Variants in ASB13 observed in about 807,000 individuals in gnomAD.
ASB13 encodes ankyrin repeat and SOCS box protein 13.
In ASB13, 33 loss-of-function variants were observed where a neutral mutation model predicts 28.8. The ratio of observed to expected loss-of-function variants is 1.15; its 90% CI spans 0.87 to 1.53. The LOEUF is 1.53. Ranked by LOEUF, ASB13 falls within the 40% of genes most tolerant of loss-of-function variation. The pLI, the probability that ASB13 is intolerant of heterozygous loss-of-function variation, is 0.00. For synonymous variants in ASB13, 182 were observed against 172.9 expected (o/e 1.05, Z -0.41); for missense variants, 414 against 390.1 (o/e 1.06, Z -0.52).
In ASB13 at chr10:5,644,350, G is replaced by A. The variant is rs1036626422; in HGVS notation, c.518-2389C>T. Among the ~76,000 whole-genome samples the A allele has an allele frequency of 1.3e-5, 2 of 151,956 alleles. No homozygotes were observed. The highest frequency in any genetic ancestry group is 2.4e-5 in the African/African-American group (1 of 41,382). On this transcript the variant is annotated intron_variant, in intron 4 of 5. Coordinates refer to ENST00000357700, the MANE Select transcript of ASB13 (RefSeq NM_024701.4). This position sits in a 1 kb window ranked among gnomAD's most constrained non-coding sequence, Gnocchi z 5.1. ...CTCTACAAAAATTTAAAAATTACCC[G>A]GGGGGCGTGATGGCACACATCTGTG...
In ASB13 at chr10:5,650,112, G is replaced by A. The variant is rs985394709; in HGVS notation, c.383-1008C>T. Among the ~76,000 whole-genome samples, 1 of 151,898 alleles carries A rather than the reference G, an allele frequency of 6.6e-6. No individual in the cohort carries two copies. The highest frequency in any genetic ancestry group is 2.4e-5 in the African/African-American group (1 of 41,320). ...CCTGACTCAAACCTGACTCATTTCT[G>A]ACCTCTTGAGCCTCCCCTTCATACG... On this transcript the variant is annotated intron_variant, in intron 3 of 5. Transcript: ENST00000357700. This position sits in a 1 kb window ranked among gnomAD's most constrained non-coding sequence, Gnocchi z 6.0.
intron 1 of ASB13, among the ~76,000 whole-genome samples, chr10:5,662,586 G>C (rs973914384): frequency 4.4e-5 from 6 of 136,556 alleles, no homozygotes; most frequent in African/African-American, 1.6e-4. Flanking sequence ...GAGAAGAGAA[G>C]AGAAGAGAAG....
rs572161426 is a variant in ASB13, at chr10:5,646,764, A to T, written c.517+2206T>A. On this transcript the variant is annotated intron_variant, in intron 4 of 5. Transcript: ENST00000357700. ...GATGTTTGCTTTAAACACTAAGTTG[A>T]TCCCTTTCCCTACAACCACACCAAA... is the stretch of plus-strand genomic sequence containing the variant. Among the ~76,000 whole-genome samples, 73 of 152,102 alleles carry T rather than the reference A, an allele frequency of 4.8e-4. No individual in the cohort carries two copies. In the South Asian group the frequency reaches 0.015, roughly 31 times the overall value.
chr10:5,641,801 G>T lies in ASB13; in HGVS notation c.678C>A (p.Ser226Arg). 2 of 1,607,290 alleles carry T rather than the reference G, an allele frequency of 1.2e-6. 1 individual carries two copies. The highest frequency in any genetic ancestry group is 4.5e-5 in the East Asian group (2 of 44,662). Residue 226 changes from serine to arginine, a missense_variant, in exon 5 of 6, where the codon AGC (serine) becomes AGA (arginine). Transcript: ENST00000357700. This position sits in a 1 kb window ranked among gnomAD's most constrained non-coding sequence, Gnocchi z 8.4. The part of the protein sequence containing the change: ...KKPSDYTWSS[S>R]APAKCFEYYE... Reference sequence around the variant, plus strand: ...AGTACTCGAAGCACTTGGCGGGAGCGCTGCTGCTCCACGTGTAGTCAGACG... The same window carrying T: ...AGTACTCGAAGCACTTGGCGGGAGCTCTGCTGCTCCACGTGTAGTCAGACG...
rs1282191448 is a variant in ASB13, at chr10:5,661,304, A to G, written c.43+5205T>C. On this transcript the variant is annotated intron_variant, in intron 1 of 5. Coordinates refer to ENST00000357700, the MANE Select transcript of ASB13 (RefSeq NM_024701.4). This position sits in a 1 kb window ranked among gnomAD's most constrained non-coding sequence, Gnocchi z 4.9. ...ACACAGGGACTGCAACCATAAAAGC[A>G]GCAGAGCCACTTGCCCCCAACCCCG... Among the ~76,000 whole-genome samples the G allele has an allele frequency of 2.0e-5, 3 of 152,140 alleles. No homozygotes were observed. Among genetic ancestry groups the G allele is most frequent in the Non-Finnish European group, 4.4e-5 (3 of 68,026 alleles).
chr10:5,639,794 T>A lies in ASB13; in HGVS notation c.*909A>T, dbSNP rs1054766493. ...GGGTGAAGAATTCATTTGACAACCA[T>A]AGAAACAGATGAAAAACAATTCCCA... On this transcript the variant is annotated 3_prime_UTR_variant, in exon 6 of 6. Transcript: ENST00000357700. 1 of 3,288 alleles carries A rather than the reference T, an allele frequency of 3.0e-4. No homozygotes were observed. Among genetic ancestry groups the A allele is most frequent in the Non-Finnish European group, 9.0e-4 (1 of 1,106 alleles). 0.2% of individuals were successfully genotyped at this position (3,288 alleles called of 1,614,324 possible).
intron 1 of ASB13, among the ~76,000 whole-genome samples, chr10:5,654,745 T>C (rs953759666): frequency 6.6e-6 from 1 of 152,184 alleles, no homozygotes; most frequent in Non-Finnish European, 1.5e-5. Context: ...CTTACTATTC[T>C]GACATGTCCC....
rs575333736 is a variant in ASB13 at position 5,653,021 on chromosome 10, C to T, written c.73G>A (p.Glu25Lys). ...GFWVERTPVH[E>K]AAQRGESLQL... ...AGGCTCTCACCCCGCTGGGCTGCCT[C>T]GTGCACAGGGGTCCGCTCCACCCAG... The change falls in exon 2 of 6, where the codon GAG (glutamate) becomes AAG (lysine). Residue 25 changes from glutamate to lysine, a missense_variant. By Grantham distance (56) the Glu-to-Lys change is moderately conservative (BLOSUM62 1). Transcript: ENST00000357700. 8 of 1,550,390 alleles carry T rather than the reference C, an allele frequency of 5.2e-6. No homozygotes were observed. In the African/African-American group the frequency reaches 5.5e-5, roughly 11 times the overall value.
chr10:5,651,087 C>T lies in ASB13; in HGVS notation c.382+126G>A. 1.6e-6 allele frequency: 2 copies of T among 1,254,112 alleles called. No homozygotes were observed. Among genetic ancestry groups the T allele is most frequent in the South Asian group, 3.2e-5 (2 of 62,596 alleles). 77.7% of individuals were successfully genotyped at this position (1,254,112 alleles called of 1,614,324 possible). On this transcript the variant is annotated intron_variant, in intron 3 of 5. Coordinates refer to ENST00000357700, the MANE Select transcript of ASB13 (RefSeq NM_024701.4). The surrounding 1 kb of genome is among the most constrained non-coding windows in gnomAD (Gnocchi z 5.1). The stretch of plus-strand genomic sequence containing the variant: ...CCAGGAGCCAGAAACAGACTCAGAA[C>T]TCTCCTTCACCAGCCAAGGGCTCCC...
chr10:5,666,397 G>A (rs75474563), intron 1 of ASB13, 112 bp downstream of exon 1: 244,502 of 979,028 alleles, frequency 0.25, 31,713 homozygotes, highest in Middle Eastern at 0.35. Context: ...CCCGCCCACG[G>A]AGCCAGCGCG....
chr10:5,645,061 AAC>A lies in ASB13; in HGVS notation c.518-3102_518-3101del. Among the ~76,000 whole-genome samples, 1 of 152,190 alleles carries A rather than the reference AAC, an allele frequency of 6.6e-6. No individual in the cohort carries two copies. Among genetic ancestry groups the A allele is most frequent in the Middle Eastern group, 3.4e-3 (1 of 294 alleles). ...CTTCGTGCTTCAGAGAAAAGGGGTC[AAC>A]ACAGGCTCATTACCAAAATCCTGCT... On this transcript the variant is annotated intron_variant, in intron 4 of 5. Transcript: ENST00000357700. The surrounding 1 kb of genome is among the most constrained non-coding windows in gnomAD (Gnocchi z 5.4).
intron 4 of ASB13, among the ~76,000 whole-genome samples, chr10:5,643,879 G>A (rs556199624): frequency 5.9e-5 from 9 of 152,326 alleles, no homozygotes; most frequent in Middle Eastern, 3.4e-3. Flanking sequence ...ACTCTCTCAC[G>A]ATCAGGGAGA....
In ASB13 at chr10:5,649,821, G is replaced by T. The variant is rs985023050; in HGVS notation, c.383-717C>A. On this transcript the variant is annotated intron_variant, in intron 3 of 5. Coordinates refer to ENST00000357700, the MANE Select transcript of ASB13 (RefSeq NM_024701.4). The surrounding 1 kb of genome is among the most constrained non-coding windows in gnomAD (Gnocchi z 6.4). The stretch of plus-strand genomic sequence containing the variant: ...GATTACCAAGGGCATGAGCCACAGC[G>T]CCCGGCCTCTCCTGCCTCTTAAGTG... Among the ~76,000 whole-genome samples, 1 of 151,882 alleles carries T rather than the reference G, an allele frequency of 6.6e-6. No individual in the cohort carries two copies. The highest frequency in any genetic ancestry group is 2.4e-5 in the African/African-American group (1 of 41,344).
At chr10:5,643,415 A>T (rs1588507171) in intron 4 of ASB13, among the ~76,000 whole-genome samples, 1 of 152,300 alleles carries the variant, frequency 6.6e-6, no homozygotes, top group East Asian at 1.9e-4. Flanking sequence ...GAGGGATCCT[A>T]AGAACGCCCC....
At position 5,658,328 on chromosome 10, in the gene ASB13, G is replaced by A. The variant is rs1001694403; in HGVS notation, c.44-5278C>T. 6.6e-6 allele frequency among the ~76,000 whole-genome samples: 1 copy of A among 152,054 alleles called. No homozygotes were observed. Among genetic ancestry groups the A allele is most frequent in the African/African-American group, 2.4e-5 (1 of 41,384 alleles). ...TGCCTATAATCCCAGCTACTATGGA[G>A]GCTAAGGCAGGAGAATCACTTGAAC... is the stretch of plus-strand genomic sequence containing the variant. On this transcript the variant is annotated intron_variant, in intron 1 of 5. Coordinates refer to ENST00000357700, the MANE Select transcript of ASB13 (RefSeq NM_024701.4). The surrounding 1 kb of genome is among the most constrained non-coding windows in gnomAD (Gnocchi z 4.2).
At position 5,654,686 on chromosome 10, in the gene ASB13, C is replaced by T. The variant is rs556332165; in HGVS notation, c.44-1636G>A. Among the ~76,000 whole-genome samples the T allele has an allele frequency of 4.6e-5, 7 of 152,298 alleles. No individual in the cohort carries two copies. In the East Asian group the frequency reaches 5.8e-4, roughly 13 times the overall value. On this transcript the variant is annotated intron_variant, in intron 1 of 5. Coordinates refer to ENST00000357700, the MANE Select transcript of ASB13 (RefSeq NM_024701.4). ...ATCCTTATTGTCAACTCTCCATCTT[C>T]GAGCAGACAAGATCACATCACACAC... is the stretch of plus-strand genomic sequence containing the variant.
intron 1 of ASB13, among the ~76,000 whole-genome samples, chr10:5,662,743 T>C (rs1390610463): frequency 1.4e-5 from 1 of 70,222 alleles, no homozygotes; most frequent in African/African-American, 4.6e-5. Flanking sequence ...GGGAATAAAA[T>C]GGGGGCTAAA....
rs1835215304 is a variant in ASB13, at chr10:5,664,030, C to G, written c.43+2479G>C. Reference sequence around the variant, plus strand: ...TCCATATAAACAAGTAGAAAACAAACAGGCTGGGGAGTGATTTCCAGACCA... The same window carrying G: ...TCCATATAAACAAGTAGAAAACAAAGAGGCTGGGGAGTGATTTCCAGACCA... On this transcript the variant is annotated intron_variant, in intron 1 of 5. Coordinates refer to ENST00000357700, the MANE Select transcript of ASB13 (RefSeq NM_024701.4). This position sits in a 1 kb window ranked among gnomAD's most constrained non-coding sequence, Gnocchi z 4.2. 6.6e-6 allele frequency among the ~76,000 whole-genome samples: 1 copy of G among 152,124 alleles called. No homozygotes were observed. Among genetic ancestry groups the G allele is most frequent in the Non-Finnish European group, 1.5e-5 (1 of 68,020 alleles).
chr10:5,651,495 GC>G lies in ASB13; in HGVS notation c.232-133del. 9.7e-7 allele frequency: 1 copy of G among 1,026,782 alleles called. No individual in the cohort carries two copies. The highest frequency in any genetic ancestry group is 1.4e-6 in the Non-Finnish European group (1 of 723,142). 63.6% of individuals were successfully genotyped at this position (1,026,782 alleles called of 1,614,324 possible). A position where few individuals can be genotyped will look rare whatever the true frequency, so the allele number is the denominator to read the frequency against. On this transcript the variant is annotated intron_variant, in intron 2 of 5. Transcript: ENST00000357700. The surrounding 1 kb of genome is among the most constrained non-coding windows in gnomAD (Gnocchi z 5.1). ...GGTTTGCTTTGCTATTATGTGCTAG[GC>G]AACGACACTGAAAGAGATAGCACGT...
Sources: allele counts gnomAD v4.1 joint callset (sites outside exome capture counted in the v4.1 genomes callset), GRCh38; gene constraint gnomAD v4.1.1; non-coding constraint Gnocchi (gnomAD v3.1); transcripts MANE v1.5; gene names NCBI Gene and HGNC (gene_info 2026-07-23, HGNC 2026-07-21).